Variants in ITGA11 observed in about 807,000 individuals in gnomAD.
ITGA11 encodes integrin alpha-11.
A neutral mutation model predicts 141.9 loss-of-function variants in ITGA11; 97 were observed. That is an observed-to-expected ratio of 0.68 (90% CI 0.58 to 0.81). ITGA11 has a LOEUF of 0.81. Among genes scored for constraint, ITGA11 ranks in the 30% least tolerant of loss-of-function variants. The pLI is 0.00. For synonymous variants in ITGA11, 658 were observed against 624.6 expected, an observed-to-expected ratio of 1.05 and a Z score of -0.80; for missense variants, 1,387 against 1,559.2, an observed-to-expected ratio of 0.89 and a Z score of 1.86.
At position 68,317,298 on chromosome 15, in the gene ITGA11, G is replaced by A. The variant is rs368402640; in HGVS notation, c.2682C>T (p.Asn894=). Reference sequence around the variant, plus strand: ...TGGCCCGGAAGAAGGGATAGCTGACGTTGCAGACTTGCTTCTGGAGCCTCC... The same window carrying A: ...TGGCCCGGAAGAAGGGATAGCTGACATTGCAGACTTGCTTCTGGAGCCTCC... ...EERRLQKQVC[N]VSYPFFRAKA... Residue 894 remains asparagine (N), a synonymous_variant, in exon 21 of 30, where the codon AAC becomes AAT. Transcript: ENST00000315757. The A allele has an allele frequency of 4.9e-5, 79 of 1,613,812 alleles. 1 individual carries two copies. The African/African-American group carries it at 5.3e-4, about 11-fold the overall frequency.
intron 1 of ITGA11, among the ~76,000 whole-genome samples, chr15:68,420,599 AGG>A (rs1896995092): frequency 1.3e-5 from 2 of 152,108 alleles, no homozygotes; most frequent in African/African-American, 4.8e-5. Context: ...GGTCGTAAGG[AGG>A]AGGATTGGCT....
At chr15:68,398,583 T>C (rs1896381803) in intron 2 of ITGA11, among the ~76,000 whole-genome samples, 1 of 128,352 alleles carries the variant, frequency 7.8e-6, no homozygotes, top group South Asian at 2.8e-4. Flanking sequence ...TATAATATGA[T>C]TTATATTAAA....
rs1310491760 is a variant in ITGA11 at position 68,321,421 on chromosome 15, G to T, written c.2405C>A (p.Ala802Asp). ...GGGGTGGAAGGAGCCAACTCACATG[G>T]CCGTGGGCAGGTCACTCCGGGCATC... is the stretch of plus-strand genomic sequence containing the variant. ...VLDARSDLPT[A>D]MEYCQRVLRK... Residue 802 changes from alanine to aspartate, a missense_variant, in exon 19 of 30, where the codon GCC (alanine) becomes GAC (aspartate). Coordinates refer to ENST00000315757, the MANE Select transcript of ITGA11 (RefSeq NM_001004439.2). This position sits in a 1 kb window ranked among gnomAD's most constrained non-coding sequence, Gnocchi z 4.9. 6.3e-7 allele frequency: 1 copy of T among 1,577,246 alleles called. No individual in the cohort carries two copies. Among genetic ancestry groups the T allele is most frequent in the East Asian group, 2.4e-5 (1 of 41,886 alleles).
In ITGA11 at chr15:68,348,810, C is replaced by A. The variant is rs1183757595; in HGVS notation, c.1131+20G>T. 1 of 1,597,778 alleles carries A rather than the reference C, an allele frequency of 6.3e-7. No homozygotes were observed. Among genetic ancestry groups the A allele is most frequent in the Non-Finnish European group, 8.5e-7 (1 of 1,171,684 alleles). ...CGAGAGACAGAGGCTGGGCTCTGTG[C>A]CCGTACCTCCACCACATACCTCCAC... On this transcript the variant is annotated intron_variant, in intron 10 of 29. Transcript: ENST00000315757.
At chr15:68,312,952 G>T in intron 23 of ITGA11, 89 bp from the exon 24 acceptor site, 1 of 940,932 alleles carries the variant, frequency 1.1e-6, no homozygotes, top group Non-Finnish European at 1.7e-6. Context: ...GCATGTGCCG[G>T]CCTCCCCCGG....
At chr15:68,363,563 T>C (rs2140352180) in intron 4 of ITGA11, among the ~76,000 whole-genome samples, 1 of 152,340 alleles carries the variant, frequency 6.6e-6, no homozygotes, top group Non-Finnish European at 1.5e-5. Context: ...ATCTAATTTG[T>C]CTTGTGATTC....
In ITGA11 at chr15:68,332,422, C is replaced by T; in HGVS notation, c.1482G>A (p.Val494=). ...ITSVDIDGDG[V]TDVLLVGAPM... is the part of the protein sequence containing the mutation. ...GTGCGCCCACCAGCAGGACATCAGT[C>T]ACGCCGTCGCCGTCGATGTCCACCG... The change falls in exon 13 of 30, where the codon GTG becomes GTA. Residue 494 remains valine, a synonymous_variant. Coordinates refer to ENST00000315757, the MANE Select transcript of ITGA11 (RefSeq NM_001004439.2). 2 of 1,611,292 alleles carry T rather than the reference C, an allele frequency of 1.2e-6. No homozygotes were observed. The highest frequency in any genetic ancestry group is 1.1e-5 in the South Asian group (1 of 90,326).
intron 11 of ITGA11, among the ~76,000 whole-genome samples, chr15:68,339,137 C>G (rs1026655365): frequency 1.3e-5 from 2 of 152,230 alleles, no homozygotes; most frequent in Non-Finnish European, 2.9e-5. Flanking sequence ...TTGCGTTTTG[C>G]CTTTGGGAGG....
At chr15:68,413,112 T>C (rs1032515475) in intron 1 of ITGA11, among the ~76,000 whole-genome samples, 8 of 152,116 alleles carry the variant, frequency 5.3e-5, no homozygotes, top group Admixed American at 1.3e-4. Flanking sequence ...AAGAAGTGGA[T>C]GTTGGGGTTA....
At position 68,327,363 on chromosome 15, in the gene ITGA11, C is replaced by T. The variant is rs185414284; in HGVS notation, c.2069-567G>A. 1.8e-4 allele frequency among the ~76,000 whole-genome samples: 28 copies of T among 152,364 alleles called. No homozygotes were observed. The East Asian group carries it at 4.1e-3, about 22-fold the overall frequency. ...CAGTCCCTTCTCCTGTTCTCCAGCA[C>T]GCCCGCAGGTTGCTGCTGGCTCTCA... On this transcript the variant is annotated intron_variant, in intron 16 of 29. Transcript: ENST00000315757.
intron 4 of ITGA11, among the ~76,000 whole-genome samples, chr15:68,363,025 T>G (rs1895300992): frequency 6.6e-6 from 1 of 151,852 alleles, no homozygotes; most frequent in African/African-American, 2.4e-5. Flanking sequence ...GGATGATGAA[T>G]TGATGGGTGG....
intron 1 of ITGA11, among the ~76,000 whole-genome samples, chr15:68,431,258 T>C: frequency 6.6e-6 from 1 of 152,068 alleles, no homozygotes; most frequent in South Asian, 2.1e-4. Flanking sequence ...ACACCTGGAG[T>C]GCATTAGGCG....
chr15:68,429,922 AC>A (rs1234897781), intron 1 of ITGA11, among the ~76,000 whole-genome samples: 1 of 152,096 alleles, frequency 6.6e-6, no homozygotes, highest in African/African-American at 2.4e-5. Context: ...CTGAAATTGA[AC>A]TTCTCTTGTT....
At position 68,298,282 on chromosome 15, in the gene ITGA11, G is replaced by A. The variant is rs1645696837; in HGVS notation, c.*4777C>T. ...TTTGCCTGTGCTTTAGAAATTTGGT[G>A]TGCTCAGTCCATCAGAGGGGCGGAC... On this transcript the variant is annotated 3_prime_UTR_variant, in exon 30 of 30. Coordinates refer to ENST00000315757, the MANE Select transcript of ITGA11 (RefSeq NM_001004439.2). The A allele has an allele frequency of 6.6e-6, 1 of 152,146 alleles. No homozygotes were observed. Among genetic ancestry groups the A allele is most frequent in the African/African-American group, 2.4e-5 (1 of 41,422 alleles). The allele number at this position is 152,146 out of a possible 1,614,324, so 9.4% of individuals were successfully genotyped here.
chr15:68,303,785 A>G lies in ITGA11; in HGVS notation c.3482T>C (p.Leu1161Pro). 6.2e-7 allele frequency: 1 copy of G among 1,610,962 alleles called. No homozygotes were observed. The highest frequency in any genetic ancestry group is 8.5e-7 in the Non-Finnish European group (1 of 1,177,792). ...CAGGGCCCTCACCTTCCACAGTGCC[A>G]GGACCAGCAGGGCCAGCAGTAGGAG... ...GGLLLLALLVLALWKLGFFRS... is the reference protein window; with the variant it reads ...GGLLLLALLVPALWKLGFFRS... The change falls in exon 29 of 30, where the codon CTG becomes CCG. Residue 1161 changes from leucine to proline, a missense_variant. Transcript: ENST00000315757. The surrounding 1 kb of genome is among the most constrained non-coding windows in gnomAD (Gnocchi z 5.3).
intron 2 of ITGA11, among the ~76,000 whole-genome samples, chr15:68,382,760 T>C (rs191636842): frequency 6.6e-6 from 1 of 152,354 alleles, no homozygotes; most frequent in East Asian, 1.9e-4. Flanking sequence ...TCTCTTTCCA[T>C]GTCTGTCTAC....
intron 1 of ITGA11, among the ~76,000 whole-genome samples, chr15:68,418,265 G>A (rs1400015413): frequency 1.3e-5 from 2 of 152,122 alleles, no homozygotes; most frequent in African/African-American, 4.8e-5. Context: ...TAAATGAGAC[G>A]GAAAAAATGA....
chr15:68,342,238 G>T (rs562830706), intron 10 of ITGA11, among the ~76,000 whole-genome samples: 7 of 152,202 alleles, frequency 4.6e-5, no homozygotes. Flanking sequence ...GGGCATTCCC[G>T]GGAAGAGCTG....
rs1226465345 is a variant in ITGA11, at chr15:68,326,472, A to G, written c.2211+182T>C. Reference sequence around the variant, plus strand: ...AAGGATGTCTAGTGAGGTGGTATGTAGCGTGTCTCTGGGGCATGAGGTGGG... The same window carrying G: ...AAGGATGTCTAGTGAGGTGGTATGTGGCGTGTCTCTGGGGCATGAGGTGGG... On this transcript the variant is annotated intron_variant, in intron 17 of 29. Coordinates refer to ENST00000315757, the MANE Select transcript of ITGA11 (RefSeq NM_001004439.2). The surrounding 1 kb of genome is among the most constrained non-coding windows in gnomAD (Gnocchi z 6.8). 1.3e-5 allele frequency among the ~76,000 whole-genome samples: 2 copies of G among 152,014 alleles called. No individual in the cohort carries two copies. The highest frequency in any genetic ancestry group is 3.9e-4 in the East Asian group (2 of 5,148).
Sources: gnomAD v4.1 joint callset for allele counts (sites outside exome capture counted in the v4.1 genomes callset) on GRCh38, gnomAD v4.1.1 for gene constraint, Gnocchi (gnomAD v3.1) non-coding constraint, MANE v1.5 for transcripts, NCBI Gene and HGNC (gene_info 2026-07-23, HGNC 2026-07-21) for gene names.